The following REPS1 variants were observed in gnomAD, a reference collection of about 807,000 sequenced individuals.
The protein encoded by REPS1 is ralBP1-associated Eps domain-containing protein 1.
REPS1 carries 39 observed loss-of-function variants against 100.9 expected under a neutral mutation model. That is an observed-to-expected ratio of 0.39 (90% CI 0.30 to 0.50). The LOEUF is 0.50. Among genes scored for constraint, REPS1 ranks in the 20% least tolerant of loss-of-function variants. REPS1 has a pLI of 0.86. For synonymous variants in REPS1, 324 were observed against 340.3 expected, an observed-to-expected ratio of 0.95 and a Z score of 0.53; for missense variants, 821 against 968.5, an observed-to-expected ratio of 0.85 and a Z score of 2.02.
Position 138,921,119 on chromosome 6 carries a change from A to G in REPS1, c.1344T>C (p.Thr448=). The part of the protein sequence containing the change: ...DSNIAPADPD[T]AIVHPVPIRM... Reference sequence around the variant, plus strand: ...GAATGGGAACTGGATGAACAATAGCAGTATCCTAGAGACAAATGGGAGGAA... The same window carrying G: ...GAATGGGAACTGGATGAACAATAGCGGTATCCTAGAGACAAATGGGAGGAA... Residue 448 remains threonine (T), a synonymous_variant, in exon 11 of 20, where the codon ACT becomes ACC. Coordinates refer to ENST00000450536, the MANE Select transcript of REPS1 (RefSeq NM_001286611.2). 6.3e-7 allele frequency: 1 copy of G among 1,589,114 alleles called. No homozygotes were observed. The highest frequency in any genetic ancestry group is 2.2e-5 in the East Asian group (1 of 44,630).
At chr6:138,928,230 TAAAG>T (rs1460772160) in intron 9 of REPS1, 1 of 151,600 alleles carries the variant, frequency 6.6e-6, no homozygotes, top group Non-Finnish European at 1.5e-5. Context: ...TTAATATATA[TAAAG>T]AGTTTGTTTT....
chr6:138,982,593 C>T (rs1336278223), intron 1 of REPS1, among the ~76,000 whole-genome samples: 1 of 152,146 alleles, frequency 6.6e-6, no homozygotes, highest in Non-Finnish European at 1.5e-5. Context: ...GACTTTTAAG[C>T]CACAACACTG....
At chr6:138,936,401 T>C (rs1017118890) in intron 8 of REPS1, among the ~76,000 whole-genome samples, 2 of 152,144 alleles carry the variant, frequency 1.3e-5, no homozygotes, top group Non-Finnish European at 2.9e-5. Context: ...CATAGAGTTT[T>C]TGCCCTTCAA....
chr6:138,980,689 G>GT (rs1562570987), intron 1 of REPS1, among the ~76,000 whole-genome samples: 3 of 124,824 alleles, frequency 2.4e-5, no homozygotes, highest in Admixed American at 8.0e-5. Context: ...GTGGGGCGGG[G>GT]GGGGGGGGGA....
chr6:138,970,090 T>C (rs1204999809), intron 1 of REPS1, among the ~76,000 whole-genome samples: 1 of 152,124 alleles, frequency 6.6e-6, no homozygotes, highest in Non-Finnish European at 1.5e-5. Context: ...TAATTTATAA[T>C]TCACTAATCT....
chr6:138,920,885 G>A (rs1380958229), intron 11 of REPS1, 152 bp downstream of exon 11: 3 of 584,864 alleles, frequency 5.1e-6, no homozygotes, highest in Non-Finnish European at 8.9e-6. Flanking sequence ...TTTAAAAACA[G>A]CAACATAAAT....
In REPS1 at chr6:138,915,996, A is replaced by G. The variant is rs759170736; in HGVS notation, c.1602-20T>C. On this transcript the variant is annotated intron_variant, in intron 13 of 19. Coordinates refer to ENST00000450536, the MANE Select transcript of REPS1 (RefSeq NM_001286611.2). ...TGAGACCTGCAAAATTCACCCCATGATAATTGGTCATACTACTGATATCAG... is the reference window on the plus strand; with the variant it reads ...TGAGACCTGCAAAATTCACCCCATGGTAATTGGTCATACTACTGATATCAG... 6.5e-7 allele frequency: 1 copy of G among 1,530,208 alleles called. No homozygotes were observed. Among genetic ancestry groups the G allele is most frequent in the African/African-American group, 1.4e-5 (1 of 73,112 alleles). 94.8% of individuals were successfully genotyped at this position (1,530,208 alleles called of 1,614,324 possible).
intron 1 of REPS1, among the ~76,000 whole-genome samples, chr6:138,969,745 T>C: frequency 6.6e-6 from 1 of 151,862 alleles, no homozygotes; most frequent in Non-Finnish European, 1.5e-5. Flanking sequence ...TATCTCTAAA[T>C]GTAAAGTTAA....
At chr6:138,948,045 AC>A (rs1782752972) in intron 1 of REPS1, 132 bp from the exon 2 acceptor site, 4 of 638,260 alleles carry the variant, frequency 6.3e-6, no homozygotes, top group Admixed American at 4.3e-5. Context: ...ACAACTGACA[AC>A]CAACTTCCTC....
intron 1 of REPS1, among the ~76,000 whole-genome samples, chr6:138,972,599 G>T (rs1784398077): frequency 6.6e-6 from 1 of 151,036 alleles, no homozygotes; most frequent in African/African-American, 2.4e-5. Flanking sequence ...CTTACTCACT[G>T]TCAAGTTCAA....
chr6:138,932,803 T>C (rs117153849), intron 8 of REPS1, among the ~76,000 whole-genome samples: 1,673 of 152,330 alleles, frequency 0.011, 15 homozygotes, highest in Middle Eastern at 0.058. Context: ...AGTGAGCTTG[T>C]CATTTCAAGG....
chr6:138,978,487 T>TC (rs1784730519), intron 1 of REPS1, among the ~76,000 whole-genome samples: 1 of 151,270 alleles, frequency 6.6e-6, no homozygotes, highest in Non-Finnish European at 1.5e-5. Context: ...TTATCTTTTT[T>TC]TTTTACAGGC....
chr6:138,984,838 T>G (rs142950140), intron 1 of REPS1, among the ~76,000 whole-genome samples: 578 of 152,330 alleles, frequency 3.8e-3, no homozygotes, highest in Non-Finnish European at 6.8e-3. Flanking sequence ...CTTGATAATC[T>G]GGCCTCAATT....
chr6:138,986,170 A>C (rs1488150472), intron 1 of REPS1, among the ~76,000 whole-genome samples: 1 of 152,238 alleles, frequency 6.6e-6, no homozygotes, highest in Non-Finnish European at 1.5e-5. Context: ...CACAAGAAGA[A>C]GAATATGCAA....
chr6:138,978,427 C>T (rs1020444385), intron 1 of REPS1, among the ~76,000 whole-genome samples: 2 of 151,812 alleles, frequency 1.3e-5, no homozygotes, highest in Non-Finnish European at 2.9e-5. Flanking sequence ...CCTCAGCCTC[C>T]CAAGTAGCTG....
At chr6:138,943,725 T>G in intron 6 of REPS1, 128 bp downstream of exon 6, 1 of 1,058,906 alleles carries the variant, frequency 9.4e-7, no homozygotes, top group Non-Finnish European at 1.3e-6. Context: ...TTATAAATTC[T>G]TTTTAGACAA....
chr6:138,933,686 C>T (rs1051166654), intron 8 of REPS1, among the ~76,000 whole-genome samples: 2 of 152,042 alleles, frequency 1.3e-5, no homozygotes, highest in African/African-American at 4.8e-5. Context: ...ACCCCTTTTA[C>T]AATTTTTTCT....
intron 1 of REPS1, among the ~76,000 whole-genome samples, chr6:138,950,848 T>C (rs1782970473): frequency 6.6e-6 from 1 of 152,212 alleles, no homozygotes; most frequent in Non-Finnish European, 1.5e-5. Flanking sequence ...TCTAGTGTTT[T>C]ATCATTAAGC....
intron 2 of REPS1, among the ~76,000 whole-genome samples, chr6:138,947,577 T>A (rs1448029122): frequency 6.6e-6 from 1 of 152,192 alleles, no homozygotes; most frequent in Non-Finnish European, 1.5e-5. Flanking sequence ...CAAATACAGA[T>A]GAAGTACATA....
Sources: gnomAD v4.1 joint callset for allele counts (sites outside exome capture counted in the v4.1 genomes callset) on GRCh38, gnomAD v4.1.1 for gene constraint, MANE v1.5 for transcripts, NCBI Gene and HGNC (gene_info 2026-07-23, HGNC 2026-07-21) for gene names.